TET3: variants seen among roughly 807,000 people sequenced by gnomAD.
The protein encoded by TET3 is methylcytosine dioxygenase TET3.
Under a neutral mutation model 141.4 loss-of-function variants are expected in TET3, and 19 were observed. The observed-to-expected ratio is 0.13, with a 90% CI of 0.09 to 0.20. The LOEUF is 0.20. Among genes scored for constraint, TET3 ranks in the 10% least tolerant of loss-of-function variants. The pLI is 1.00. For missense variants in TET3, 1,874 were observed against 2,356.9 expected, an observed-to-expected ratio of 0.80 and a Z score of 4.24; for synonymous variants, 1,043 against 980.9, an observed-to-expected ratio of 1.06 and a Z score of -1.18.
chr2:74,080,849 G>C (rs1428646782), intron 6 of TET3, among the ~76,000 whole-genome samples: 1 of 152,160 alleles, frequency 6.6e-6, no homozygotes, highest in Non-Finnish European at 1.5e-5. Flanking sequence ...CCGAGTCTTG[G>C]GTCAGCCTTG....
intron 3 of TET3, among the ~76,000 whole-genome samples, chr2:74,008,381 A>G (rs557933510): frequency 1.3e-5 from 2 of 152,302 alleles, no homozygotes; most frequent in African/African-American, 2.4e-5. Context: ...GTGTGTGTGA[A>G]TTGCATGCCT....
At chr2:74,071,601 C>T (rs1012181484) in intron 4 of TET3, among the ~76,000 whole-genome samples, 5 of 152,138 alleles carry the variant, frequency 3.3e-5, no homozygotes, top group African/African-American at 4.8e-5. Context: ...AAGAAATTAA[C>T]GTTGGTACAA....
chr2:73,994,924 A>G (rs1490469074), intron 2 of TET3, among the ~76,000 whole-genome samples: 1 of 151,166 alleles, frequency 6.6e-6, no homozygotes, highest in Non-Finnish European at 1.5e-5. Flanking sequence ...GGCATGAGCC[A>G]CTGTCCTGGC....
At chr2:74,071,440 G>GT (rs1188599361) in intron 4 of TET3, among the ~76,000 whole-genome samples, 1 of 152,120 alleles carries the variant, frequency 6.6e-6, no homozygotes, top group Non-Finnish European at 1.5e-5. Context: ...GTGGCTCACT[G>GT]TTTTTTTCTT....
At chr2:74,050,027 T>G (rs1390522105) in intron 4 of TET3, among the ~76,000 whole-genome samples, 1 of 152,194 alleles carries the variant, frequency 6.6e-6, no homozygotes, top group African/African-American at 2.4e-5. Context: ...TCTGTGCGTG[T>G]ATGTGTGTGT....
intron 2 of TET3, among the ~76,000 whole-genome samples, chr2:73,990,262 C>T (rs1385725411): frequency 2.6e-5 from 4 of 151,790 alleles, no homozygotes; most frequent in Non-Finnish European, 4.4e-5. Flanking sequence ...GCCTGTAGTC[C>T]TAGCTCCTGG....
At chr2:74,109,884 T>A (rs1277149036), downstream of TET3, among the ~76,000 whole-genome samples, 2 of 152,212 alleles carry the variant, frequency 1.3e-5, no homozygotes, top group African/African-American at 4.8e-5. Flanking sequence ...CCAAGGTTTA[T>A]TAGCTTTTTA....
Position 74,060,730 on chromosome 2 carries a change from G to A in TET3, c.2494+12319G>A, listed in dbSNP as rs1048935036. On this transcript the variant is annotated intron_variant, in intron 4 of 11. Coordinates refer to ENST00000409262, the MANE Select transcript of TET3 (RefSeq NM_001287491.2). The stretch of plus-strand genomic sequence containing the variant: ...GATTAGGGAGTGGTGATGACTCTTA[G>A]CGAGCATGCTGCCTTCAAGCATCTG... Among the ~76,000 whole-genome samples, 57 of 152,206 alleles carry A rather than the reference G, an allele frequency of 3.7e-4. 1 individual carries two copies. The Middle Eastern group carries it at 0.017, about 45-fold the overall frequency.
chr2:74,134,294 T>C, the TET3 span, among the ~76,000 whole-genome samples: 2 of 152,224 alleles, frequency 1.3e-5, no homozygotes, highest in Non-Finnish European at 2.9e-5. Flanking sequence ...TGTCCCAACC[T>C]TCTCAGCTCT....
At chr2:74,109,615 G>C (rs563035040), downstream of TET3, among the ~76,000 whole-genome samples, 2 of 152,052 alleles carry the variant, frequency 1.3e-5, no homozygotes, top group African/African-American at 4.8e-5. Flanking sequence ...TTCTTTCTAC[G>C]CTGAGAAGCG....
chr2:73,984,787 AC>A (rs1395495651), upstream of TET3, among the ~76,000 whole-genome samples: 2 of 140,920 alleles, frequency 1.4e-5, no homozygotes, highest in African/African-American at 5.2e-5. The surrounding 1 kb of genome is among the most constrained non-coding windows in gnomAD (Gnocchi z 5.6). Flanking sequence ...CGCGGGAACC[AC>A]CCCCCTCTCG....
At chr2:74,097,326 A>G (rs750584891) in intron 10 of TET3, among the ~76,000 whole-genome samples, 3 of 152,146 alleles carry the variant, frequency 2.0e-5, no homozygotes, top group Non-Finnish European at 4.4e-5. Flanking sequence ...TGATAAAGAA[A>G]TTATAACTTT....
intron 2 of TET3, 101 bp downstream of exon 2, chr2:73,986,807 C>A: frequency 9.3e-7 from 1 of 1,075,590 alleles, no homozygotes; most frequent in Non-Finnish European, 1.2e-6. Flanking sequence ...TCCATTCTCT[C>A]ATTTCTGATC....
chr2:74,101,086 A>G lies in TET3; in HGVS notation c.4298A>G (p.His1433Arg), dbSNP rs1174243541. ...GTGTCTCAGAATGGAGGACCCAGTCACCTTTGGGGACAGTACTCAGGAGGC... is the reference window on the plus strand; with the variant it reads ...GTGTCTCAGAATGGAGGACCCAGTCGCCTTTGGGGACAGTACTCAGGAGGC... ...SEVSQNGGPS[H>R]LWGQYSGGPS... is the part of the protein sequence containing the mutation. Residue 1433 changes from histidine (H) to arginine (R), a missense_variant, in exon 12 of 12, where the codon CAC becomes CGC. Coordinates refer to ENST00000409262, the MANE Select transcript of TET3 (RefSeq NM_001287491.2). The surrounding 1 kb of genome is among the most constrained non-coding windows in gnomAD (Gnocchi z 8.5). 4 of 1,612,482 alleles carry G rather than the reference A, an allele frequency of 2.5e-6. No homozygotes were observed. Among genetic ancestry groups the G allele is most frequent in the East Asian group, 4.5e-5 (2 of 44,842 alleles).
At chr2:74,086,791 TAAAAA>T (rs33942081) in intron 6 of TET3, among the ~76,000 whole-genome samples, 2 of 94,052 alleles carry the variant, frequency 2.1e-5, no homozygotes, top group Non-Finnish European at 2.1e-5. Flanking sequence ...ACCCTGACTC[TAAAAA>T]AAAAAAAAAA....
At chr2:74,025,175 G>A (rs1183502817) in intron 3 of TET3, among the ~76,000 whole-genome samples, 1 of 139,298 alleles carries the variant, frequency 7.2e-6, no homozygotes, top group Non-Finnish European at 1.5e-5. Context: ...AGTGAGCCGA[G>A]ATTGTGCTAC....
chr2:74,044,159 A>C (rs564397581), intron 3 of TET3, among the ~76,000 whole-genome samples: 2 of 152,276 alleles, frequency 1.3e-5, no homozygotes, highest in Non-Finnish European at 2.9e-5. Context: ...GCAGTGAACT[A>C]TGATCATGCC....
downstream of TET3, among the ~76,000 whole-genome samples, chr2:74,112,567 A>G (rs1691729110): frequency 6.6e-6 from 1 of 152,234 alleles, no homozygotes; most frequent in Non-Finnish European, 1.5e-5. Flanking sequence ...CATAAAAAAC[A>G]ATATGCAGAT....
At position 74,046,250 on chromosome 2, in the gene TET3, C is replaced by G; in HGVS notation, c.361-28C>G. ...TTCAAATAGTGTGGTTCATTTTTTT[C>G]CTTTTTCCCCCTTCTCTCTCTCTTT... On this transcript the variant is annotated intron_variant, in intron 3 of 11. Transcript: ENST00000409262. This position sits in a 1 kb window ranked among gnomAD's most constrained non-coding sequence, Gnocchi z 4.3. The G allele has an allele frequency of 6.8e-7, 1 of 1,463,498 alleles. No individual in the cohort carries two copies. The highest frequency in any genetic ancestry group is 9.0e-7 in the Non-Finnish European group (1 of 1,109,378). The allele number at this position is 1,463,498 out of a possible 1,614,324, so 90.7% of individuals were successfully genotyped here.
Sources: gnomAD v4.1 joint callset for allele counts (sites outside exome capture counted in the v4.1 genomes callset) on GRCh38, gnomAD v4.1.1 for gene constraint, Gnocchi (gnomAD v3.1) non-coding constraint, MANE v1.5 for transcripts, NCBI Gene and HGNC (gene_info 2026-07-23, HGNC 2026-07-21) for gene names.